VSIG1: variants seen among roughly 807,000 people sequenced by gnomAD.
VSIG1 encodes V-set and immunoglobulin domain-containing protein 1.
A neutral mutation model predicts 20.1 loss-of-function variants in VSIG1; 11 were observed. The ratio of observed to expected loss-of-function variants is 0.55; its 90% CI spans 0.34 to 0.91. The LOEUF is 0.91. Among genes scored for constraint, VSIG1 ranks in the 40% least tolerant of loss-of-function variants. The pLI, the probability that VSIG1 is intolerant of heterozygous loss-of-function variation, is 0.02. For synonymous variants in VSIG1, 126 were observed against 116.7 expected, an observed-to-expected ratio of 1.08 and a Z score of -0.52; for missense variants, 283 against 298.8, an observed-to-expected ratio of 0.95 and a Z score of 0.39.
chrX:108,066,388 C>T (rs906461582), intron 2 of VSIG1, among the ~76,000 whole-genome samples: 7 of 111,525 alleles, frequency 6.3e-5, no homozygotes, highest in Non-Finnish European at 3.8e-5. Flanking sequence ...GATGCTTTTC[C>T]GCTTTGCTTC....
intron 3 of VSIG1, 117 bp from the exon 4 acceptor site, chrX:108,072,560 T>G: frequency 1.2e-6 from 1 of 835,121 alleles, no homozygotes; most frequent in Non-Finnish European, 1.7e-6. Context: ...GCCAAGAATT[T>G]TTTTTAAAAA....
In VSIG1 at chrX:108,047,799, T is replaced by TATATACATATATATATAC. The variant is rs1555980240; in HGVS notation, c.49+2625_49+2626insCATATATATATACATATA. Among the ~76,000 whole-genome samples the TATATACATATATATATAC allele has an allele frequency of 4.3e-3, 298 of 68,530 alleles. 2 individuals are homozygous for TATATACATATATATATAC. Among genetic ancestry groups the TATATACATATATATATAC allele is most frequent in the Non-Finnish European group, 5.7e-3 (215 of 37,737 alleles). 59.5% of individuals were successfully genotyped at this position (68,530 alleles called of 115,157 possible). A position where few individuals can be genotyped will look rare whatever the true frequency, so the allele number is the denominator to read the frequency against. On this transcript the variant is annotated intron_variant, in intron 1 of 6. Transcript: ENST00000217957. ...CTCTCTCTCTCTCTCTCTATATATA[T>TATATACATATATATATAC]ATATATATACATATATATATACATA...
At chrX:108,020,578 A>G in the VSIG1 span, among the ~76,000 whole-genome samples, 1 of 111,514 alleles carries the variant, frequency 9.0e-6, no homozygotes, top group East Asian at 2.8e-4. Flanking sequence ...ATGTACATCT[A>G]TGTCTTTGCA....
At chrX:108,066,266 G>A (rs1286988845) in intron 2 of VSIG1, among the ~76,000 whole-genome samples, 1 of 111,446 alleles carries the variant, frequency 9.0e-6, no homozygotes, top group African/African-American at 3.3e-5. Flanking sequence ...CTGCCACATG[G>A]GGAGAAAGAT....
chrX:108,054,166 G>T (rs778810057), intron 1 of VSIG1, among the ~76,000 whole-genome samples: 1 of 111,905 alleles, frequency 8.9e-6, no homozygotes, highest in Non-Finnish European at 1.9e-5. Context: ...AAAGTTAAAA[G>T]AGATAAACAG....
At chrX:108,068,062 TA>T (rs2031169098) in intron 3 of VSIG1, among the ~76,000 whole-genome samples, 2 of 111,723 alleles carry the variant, frequency 1.8e-5, no homozygotes, top group Admixed American at 1.9e-4. Context: ...AATAGTTGAG[TA>T]GCTTGGAAAA....
chrX:108,046,676 A>T (rs1360222841), intron 1 of VSIG1, among the ~76,000 whole-genome samples: 1 of 111,601 alleles, frequency 9.0e-6, no homozygotes, highest in Non-Finnish European at 1.9e-5. Flanking sequence ...AATCATCTGC[A>T]ATTTTACCAC....
Position 108,073,729 on chromosome X carries a change from T to C in VSIG1, c.688+360T>C, listed in dbSNP as rs184022914. 3.7e-3 allele frequency: 508 copies of C among 135,688 alleles called. 3 individuals are homozygous for C. The highest frequency in any genetic ancestry group is 0.015 in the African/African-American group (471 of 31,556). 11.2% of individuals were successfully genotyped at this position (135,688 alleles called of 1,213,427 possible). ...TGACACTGTAGCTCTGACAAACATA[T>C]ACCTTGCAAAGATCTGCCACTAATA... On this transcript the variant is annotated intron_variant, in intron 5 of 6. Coordinates refer to ENST00000217957, the MANE Select transcript of VSIG1 (RefSeq NM_182607.5).
At position 108,079,084 on chromosome X, in the gene VSIG1, C is replaced by T. The variant is rs1340478620; in HGVS notation, c.*1703C>T. On this transcript the variant is annotated 3_prime_UTR_variant, in exon 7 of 7. Transcript: ENST00000217957. Reference sequence around the variant, plus strand: ...TTACTTTAAGGCTCAATAAATAATACTCATAATGTCTCATTTTAGTGACTC... The same window carrying T: ...TTACTTTAAGGCTCAATAAATAATATTCATAATGTCTCATTTTAGTGACTC... 1 of 112,105 alleles carries T rather than the reference C, an allele frequency of 8.9e-6. No homozygotes were observed. The highest frequency in any genetic ancestry group is 9.4e-5 in the Admixed American group (1 of 10,627). 9.2% of individuals were successfully genotyped at this position (112,105 alleles called of 1,213,427 possible). A position where few individuals can be genotyped will look rare whatever the true frequency, so the allele number is the denominator to read the frequency against.
At chrX:108,047,951 TATAC>T (rs1322280391) in intron 1 of VSIG1, among the ~76,000 whole-genome samples, 252 of 18,749 alleles carry the variant, frequency 0.013, 26 homozygotes, top group Admixed American at 0.053. Flanking sequence ...TATATATATA[TATAC>T]ACACACATAT....
chrX:108,036,346 T>A, the VSIG1 span, among the ~76,000 whole-genome samples: 1 of 110,131 alleles, frequency 9.1e-6, no homozygotes, highest in African/African-American at 3.3e-5. Context: ...CTCTTTGTGT[T>A]GAATAGGAGT....
chrX:108,055,708 A>C (rs956414451), intron 1 of VSIG1, among the ~76,000 whole-genome samples: 8 of 88,893 alleles, frequency 9.0e-5, no homozygotes, highest in Non-Finnish European at 1.7e-4. Flanking sequence ...AAGAAAAAAA[A>C]ATATGATCAT....
intron 1 of VSIG1, among the ~76,000 whole-genome samples, chrX:108,047,431 G>A (rs1046212254): frequency 1.8e-5 from 2 of 111,003 alleles, no homozygotes; most frequent in African/African-American, 6.5e-5. Context: ...ATATGTATTA[G>A]TCACCTCTTA....
At chrX:108,060,996 A>G (rs2031008296) in intron 2 of VSIG1, among the ~76,000 whole-genome samples, 1 of 112,330 alleles carries the variant, frequency 8.9e-6, no homozygotes, top group Middle Eastern at 4.2e-3. Context: ...TCAGGGCCAT[A>G]CTAGCCCAAG....
the VSIG1 span, among the ~76,000 whole-genome samples, chrX:108,028,515 T>G: frequency 1.8e-5 from 2 of 111,013 alleles, no homozygotes; most frequent in Non-Finnish European, 3.8e-5. Context: ...GAGATTATGA[T>G]TGAGAAGCTG....
chrX:108,059,069 G>A (rs761683054), intron 2 of VSIG1, among the ~76,000 whole-genome samples: 10 of 112,002 alleles, frequency 8.9e-5, no homozygotes, highest in Non-Finnish European at 1.9e-4. Flanking sequence ...GCTTTCATCA[G>A]GTTCTCAAAA....
At chrX:108,058,579 A>T (rs981479962) in intron 2 of VSIG1, among the ~76,000 whole-genome samples, 2 of 111,691 alleles carry the variant, frequency 1.8e-5, no homozygotes, top group Non-Finnish European at 3.8e-5. Context: ...GTCCTGATTG[A>T]TCTGCAGATC....
At chrX:108,047,991 T>C (rs1286539053) in intron 1 of VSIG1, among the ~76,000 whole-genome samples, 4 of 71,691 alleles carry the variant, frequency 5.6e-5, no homozygotes, top group Non-Finnish European at 1.0e-4. Context: ...TATATATATA[T>C]ATATATATAT....
the VSIG1 span, among the ~76,000 whole-genome samples, chrX:108,033,196 C>A: frequency 2.9e-4 from 32 of 111,721 alleles, no homozygotes; most frequent in Non-Finnish European, 5.7e-4. Flanking sequence ...CTCAAGTTTC[C>A]CTCCTTTGCA....
Sources: gnomAD v4.1 joint callset for allele counts (sites outside exome capture counted in the v4.1 genomes callset) on GRCh38, gnomAD v4.1.1 for gene constraint, MANE v1.5 for transcripts, NCBI Gene and HGNC (gene_info 2026-07-23, HGNC 2026-07-21) for gene names.